The following OR8G1 variants were observed in gnomAD, a reference collection of about 807,000 sequenced individuals.
The protein encoded by OR8G1 is olfactory receptor 8G1.
For missense variants in OR8G1, 372 were observed against 356.2 expected, an observed-to-expected ratio of 1.04 and a Z score of -0.36; for synonymous variants, 129 against 133.3, an observed-to-expected ratio of 0.97 and a Z score of 0.22.
chr11:124,250,216 C>G lies in OR8G1; in HGVS notation c.541C>G (p.Leu181Val), dbSNP rs761979518. Residue 181 changes from leucine (L) to valine (V), a missense_variant, in exon 3 of 3, where the codon CTT becomes GTT. Coordinates refer to ENST00000641972, the MANE Select transcript of OR8G1 (RefSeq NM_001002905.2). Reference sequence around the variant, plus strand: ...TTTGATTAACCATTATTTCTGTGATCTTCTTCCCCTCCTAAAGCTCTCTTG... The same window carrying G: ...TTTGATTAACCATTATTTCTGTGATGTTCTTCCCCTCCTAAAGCTCTCTTG... ...FDLINHYFCD[L>V]LPLLKLSCSS... 6.2e-7 allele frequency: 1 copy of G among 1,613,688 alleles called. No individual in the cohort carries two copies. Among genetic ancestry groups the G allele is most frequent in the South Asian group, 1.1e-5 (1 of 91,064 alleles).
At position 124,246,841 on chromosome 11, in the gene OR8G1, A is replaced by AAT. The variant is rs1237084474; in HGVS notation, c.-96-960_-96-959insAT. ...ATTCATTGATTACAATGAAATTACA[A>AAT]TAGATGTATTTTTGAAAGAAATAGC... On this transcript the variant is annotated intron_variant, in intron 1 of 2. Coordinates refer to ENST00000641972, the MANE Select transcript of OR8G1 (RefSeq NM_001002905.2). Among the ~76,000 whole-genome samples, 4 of 134,322 alleles carry AAT rather than the reference A, an allele frequency of 3.0e-5. No homozygotes were observed. The East Asian group carries it at 8.6e-4, about 29-fold the overall frequency. The allele number at this position is 134,322 out of a possible 152,430, so 88.1% of individuals were successfully genotyped here.
At chr11:124,244,120 GAGAT>G (rs1432369395) in intron 1 of OR8G1, among the ~76,000 whole-genome samples, 3 of 151,314 alleles carry the variant, frequency 2.0e-5, no homozygotes, top group African/African-American at 7.3e-5. Context: ...GAGGGAGAGA[GAGAT>G]GGAGAGAGAA....
At chr11:124,248,841 T>C (rs755056429) in intron 2 of OR8G1, among the ~76,000 whole-genome samples, 8 of 152,114 alleles carry the variant, frequency 5.3e-5, no homozygotes, top group Non-Finnish European at 1.2e-4. Context: ...AATACAATGA[T>C]GATCTTGCTT....
At position 124,250,825 on chromosome 11, in the gene OR8G1, C is replaced by A; in HGVS notation, c.*214C>A. 1.2e-5 allele frequency: 3 copies of A among 255,950 alleles called. No individual in the cohort carries two copies. Among genetic ancestry groups the A allele is most frequent in the East Asian group, 6.1e-5 (1 of 16,400 alleles). The allele number at this position is 255,950 out of a possible 1,614,324, so 15.9% of individuals were successfully genotyped here. The stretch of plus-strand genomic sequence containing the variant: ...AATGAGACACAAATTAATATAAATA[C>A]TAAAATCGACATGAGTACATAGACT... On this transcript the variant is annotated 3_prime_UTR_variant, in exon 3 of 3. Coordinates refer to ENST00000641972, the MANE Select transcript of OR8G1 (RefSeq NM_001002905.2).
chr11:124,244,123 A>G lies in OR8G1; in HGVS notation c.-97+2759A>G, dbSNP rs149212836. On this transcript the variant is annotated intron_variant, in intron 1 of 2. Coordinates refer to ENST00000641972, the MANE Select transcript of OR8G1 (RefSeq NM_001002905.2). The stretch of plus-strand genomic sequence containing the variant: ...AAAGGATGGAGAGAGGGAGAGAGAG[A>G]TGGAGAGAGAATGAGGAAAGGATGG... Among the ~76,000 whole-genome samples, 1,355 of 149,180 alleles carry G rather than the reference A, an allele frequency of 9.1e-3. 7 individuals carry two copies. Among genetic ancestry groups the G allele is most frequent in the South Asian group, 0.014 (64 of 4,618 alleles).
In OR8G1 at chr11:124,251,535, G is replaced by A; in HGVS notation, c.*924G>A. 2.4e-6 allele frequency: 1 copy of A among 423,868 alleles called. No homozygotes were observed. Among genetic ancestry groups the A allele is most frequent in the Non-Finnish European group, 4.0e-6 (1 of 251,732 alleles). The allele number at this position is 423,868 out of a possible 1,614,324, so 26.3% of individuals were successfully genotyped here. Reference sequence around the variant, plus strand: ...GCTAAGATGTATGTGTATTTGTTCTGTGAAAAATCCCAATGCAGATATGAT... The same window carrying A: ...GCTAAGATGTATGTGTATTTGTTCTATGAAAAATCCCAATGCAGATATGAT... On this transcript the variant is annotated 3_prime_UTR_variant, in exon 3 of 3. Transcript: ENST00000641972.
intron 1 of OR8G1, among the ~76,000 whole-genome samples, chr11:124,244,648 A>T (rs1861794940): frequency 6.6e-6 from 1 of 151,978 alleles, no homozygotes; most frequent in Non-Finnish European, 1.5e-5. Context: ...CTATGTAAGG[A>T]TGTTAAGTGA....
rs1449591493 is a variant in OR8G1 at position 124,249,674 on chromosome 11, A to G, written c.-2A>G. On this transcript the variant is annotated 5_prime_UTR_variant, in exon 3 of 3. Transcript: ENST00000641972. ...TCTTCCTGCAGAAACTGACTGGAGG[A>G]GATGTCAGGAGAAAATAATTCCTCA... The G allele has an allele frequency of 6.2e-7, 1 of 1,611,402 alleles. No homozygotes were observed. Among genetic ancestry groups the G allele is most frequent in the Admixed American group, 1.7e-5 (1 of 59,690 alleles).
In OR8G1 at chr11:124,253,656, A is replaced by T. The variant is rs1565317471; in HGVS notation, c.*3045A>T. The T allele has an allele frequency of 2.6e-5, 4 of 151,452 alleles. No individual in the cohort carries two copies. The highest frequency in any genetic ancestry group is 5.9e-5 in the Non-Finnish European group (4 of 67,816). The allele number at this position is 151,452 out of a possible 1,614,324, so 9.4% of individuals were successfully genotyped here. The stretch of plus-strand genomic sequence containing the variant: ...TTACTATAGTTACCATTTATACAAT[A>T]GTTTTTAACTTATTCCTTCTATCTA... On this transcript the variant is annotated 3_prime_UTR_variant, in exon 3 of 3. Coordinates refer to ENST00000641972, the MANE Select transcript of OR8G1 (RefSeq NM_001002905.2).
In OR8G1 at chr11:124,246,562, T is replaced by C. The variant is rs144325128; in HGVS notation, c.-96-1239T>C. Among the ~76,000 whole-genome samples the C allele has an allele frequency of 3.3e-3, 494 of 151,770 alleles. 2 individuals carry two copies. The highest frequency in any genetic ancestry group is 0.011 in the African/African-American group (468 of 41,476). On this transcript the variant is annotated intron_variant, in intron 1 of 2. Coordinates refer to ENST00000641972, the MANE Select transcript of OR8G1 (RefSeq NM_001002905.2). The stretch of plus-strand genomic sequence containing the variant: ...AAGGAAGAAGTATAAAAATCAGAAA[T>C]TTTAGTGGGAGACATTGACATACCT...
chr11:124,243,370 A>G (rs894226134), intron 1 of OR8G1, among the ~76,000 whole-genome samples: 1 of 151,992 alleles, frequency 6.6e-6, no homozygotes. Context: ...TAGTGATCAC[A>G]TGAGGACACA....
Position 124,242,128 on chromosome 11 carries a change from C to T in OR8G1, c.-97+764C>T, listed in dbSNP as rs187133589. Reference sequence around the variant, plus strand: ...CTTTAAGTTTTAGGGTACATGTGCACACTGTGCAGGTTAGTTACATTTATT... The same window carrying T: ...CTTTAAGTTTTAGGGTACATGTGCATACTGTGCAGGTTAGTTACATTTATT... On this transcript the variant is annotated intron_variant, in intron 1 of 2. Transcript: ENST00000641972. Among the ~76,000 whole-genome samples, 637 of 151,690 alleles carry T rather than the reference C, an allele frequency of 4.2e-3. 2 individuals are homozygous for T. Among genetic ancestry groups the T allele is most frequent in the Non-Finnish European group, 5.3e-3 (357 of 67,912 alleles).
intron 1 of OR8G1, among the ~76,000 whole-genome samples, chr11:124,244,488 T>G (rs550795334): frequency 2.6e-5 from 4 of 151,974 alleles, no homozygotes; most frequent in African/African-American, 9.6e-5. Context: ...ATGAGCATGT[T>G]GTGAGAGCCT....
In OR8G1 at chr11:124,250,652, G is replaced by T; in HGVS notation, c.*41G>T. ...AGATGATATATTAATCCTAAGTAGT[G>T]GACTGTTACATTGTATGAATGGATG... On this transcript the variant is annotated 3_prime_UTR_variant, in exon 3 of 3. Transcript: ENST00000641972. 2 of 370,204 alleles carry T rather than the reference G, an allele frequency of 5.4e-6. No individual in the cohort carries two copies. Among genetic ancestry groups the T allele is most frequent in the South Asian group, 9.2e-5 (1 of 10,818 alleles). 22.9% of individuals were successfully genotyped at this position (370,204 alleles called of 1,614,324 possible).
chr11:124,243,119 C>A (rs890819739), intron 1 of OR8G1, among the ~76,000 whole-genome samples: 1 of 151,878 alleles, frequency 6.6e-6, no homozygotes. Flanking sequence ...GAGAAAAATG[C>A]TTTTGATATT....
Position 124,250,051 on chromosome 11 carries a change from A to G in OR8G1, c.376A>G (p.Ile126Val), listed in dbSNP as rs1861850763. Residue 126 changes from isoleucine (I) to valine (V), a missense_variant, in exon 3 of 3, where the codon ATC (isoleucine) becomes GTC (valine). Physicochemically the swap from Ile to Val is conservative, Grantham distance 29. Coordinates refer to ENST00000641972, the MANE Select transcript of OR8G1 (RefSeq NM_001002905.2). ...AAMAYDRYMA[I>V]CSPLLYSVII... is the part of the protein sequence containing the mutation. ...AATGGCGTATGACCGTTACATGGCC[A>G]TCTGTAGCCCCTTGCTGTACAGTGT... The G allele has an allele frequency of 5.6e-6, 9 of 1,613,728 alleles. No homozygotes were observed. Among genetic ancestry groups the G allele is most frequent in the South Asian group, 1.1e-5 (1 of 91,086 alleles).
At chr11:124,247,398 A>G in intron 1 of OR8G1, among the ~76,000 whole-genome samples, 1 of 151,900 alleles carries the variant, frequency 6.6e-6, no homozygotes, top group East Asian at 1.9e-4. Context: ...AGAAGAATAC[A>G]ATATATTTGA....
In OR8G1 at chr11:124,253,630, A is replaced by G. The variant is rs1272422438; in HGVS notation, c.*3019A>G. 1 of 149,946 alleles carries G rather than the reference A, an allele frequency of 6.7e-6. No individual in the cohort carries two copies. The highest frequency in any genetic ancestry group is 2.0e-4 in the East Asian group (1 of 5,098). The allele number at this position is 149,946 out of a possible 1,614,324, so 9.3% of individuals were successfully genotyped here. ...GAGAACACTAATCCAATAGATTTTT[A>G]TTACTATAGTTACCATTTATACAAT... is the stretch of plus-strand genomic sequence containing the variant. On this transcript the variant is annotated 3_prime_UTR_variant, in exon 3 of 3. Transcript: ENST00000641972.
Position 124,250,943 on chromosome 11 carries a change from C to T in OR8G1, c.*332C>T. 8.3e-6 allele frequency: 1 copy of T among 120,944 alleles called. No individual in the cohort carries two copies. The allele number at this position is 120,944 out of a possible 1,614,324, so 7.5% of individuals were successfully genotyped here. A position where few individuals can be genotyped will look rare whatever the true frequency, so the allele number is the denominator to read the frequency against. Reference sequence around the variant, plus strand: ...CAACCATAATGAAAATACCATCTTCCAAAAGTGATACCAATCTCCCTTATT... The same window carrying T: ...CAACCATAATGAAAATACCATCTTCTAAAAGTGATACCAATCTCCCTTATT... On this transcript the variant is annotated 3_prime_UTR_variant, in exon 3 of 3. Coordinates refer to ENST00000641972, the MANE Select transcript of OR8G1 (RefSeq NM_001002905.2).
Sources: allele counts gnomAD v4.1 joint callset (sites outside exome capture counted in the v4.1 genomes callset), GRCh38; gene constraint gnomAD v4.1.1; transcripts MANE v1.5; gene names NCBI Gene and HGNC (gene_info 2026-07-23, HGNC 2026-07-21).